Variants in PHLDB2 observed in about 807,000 individuals in gnomAD.
PHLDB2 encodes the protein pleckstrin homology like domain family B member 2, also known as pleckstrin homology-like domain family B member 2.
Under a neutral mutation model 123.6 loss-of-function variants are expected in PHLDB2, and 71 were observed. The observed-to-expected ratio is 0.57, with a 90% CI of 0.47 to 0.70. The LOEUF (loss-of-function observed/expected upper bound fraction) is 0.70. Ranked by LOEUF, PHLDB2 falls within the 30% of genes least tolerant of loss-of-function variation. PHLDB2 has a pLI of 0.00. For synonymous variants in PHLDB2, 547 were observed against 541.6 expected, an observed-to-expected ratio of 1.01 and a Z score of -0.14; for missense variants, 1,446 against 1,519.5, an observed-to-expected ratio of 0.95 and a Z score of 0.80.
chr3:111,913,061 C>T (rs1163098124), intron 2 of PHLDB2, among the ~76,000 whole-genome samples: 2 of 152,180 alleles, frequency 1.3e-5, no homozygotes, highest in Non-Finnish European at 2.9e-5. Flanking sequence ...CTAGGGCCAG[C>T]CCTGTGATAT....
chr3:111,976,368 C>T lies in PHLDB2; in HGVS notation c.*1805C>T, dbSNP rs2072477524. 6.6e-6 allele frequency: 1 copy of T among 152,158 alleles called. No individual in the cohort carries two copies. Among genetic ancestry groups the T allele is most frequent in the Admixed American group, 6.5e-5 (1 of 15,276 alleles). 9.4% of individuals were successfully genotyped at this position (152,158 alleles called of 1,614,324 possible). On this transcript the variant is annotated 3_prime_UTR_variant, in exon 18 of 18. Transcript: ENST00000431670. The stretch of plus-strand genomic sequence containing the variant: ...CTATGTAAAGTTTGTTGTGTGCTAA[C>T]ATTATGATTTGTAGTGTATAAACTG...
At position 111,945,283 on chromosome 3, in the gene PHLDB2, T is replaced by C. The variant is rs1397226984; in HGVS notation, c.2413T>C (p.Cys805Arg). 1.2e-6 allele frequency: 2 copies of C among 1,609,818 alleles called. No homozygotes were observed. The highest frequency in any genetic ancestry group is 1.1e-5 in the South Asian group (1 of 90,694). The change falls in exon 9 of 18, where the codon TGT becomes CGT. Residue 805 changes from cysteine to arginine, a missense_variant. Around this residue, in one of 3 missense-constraint regions of PHLDB2, gnomAD observed 594 missense variants for 646.0 expected, o/e 0.92. Transcript: ENST00000431670. The stretch of plus-strand genomic sequence containing the variant: ...ATTCCTTCAGGAAAAGGAGAATCTT[T>C]GTAATTTGGAAAAGAAATACTCCAG... ...MMLQREKENLCNLEKKYSSLS... is the reference protein window; with the variant it reads ...MMLQREKENLRNLEKKYSSLS...
chr3:111,747,852 G>A (rs1240728209), intron 1 of PHLDB2, among the ~76,000 whole-genome samples: 2 of 152,068 alleles, frequency 1.3e-5, no homozygotes, highest in Non-Finnish European at 2.9e-5. Flanking sequence ...ATGTTATTTG[G>A]AGTGAGAAAG....
chr3:111,789,449 A>C (rs537499538), intron 1 of PHLDB2, among the ~76,000 whole-genome samples: 1 of 152,352 alleles, frequency 6.6e-6, no homozygotes, highest in East Asian at 1.9e-4. Flanking sequence ...TGGTTTTGCT[A>C]TAAGTACATT....
intron 1 of PHLDB2, among the ~76,000 whole-genome samples, chr3:111,772,540 T>C (rs1469803340): frequency 6.6e-6 from 1 of 152,190 alleles, no homozygotes; most frequent in Non-Finnish European, 1.5e-5. Flanking sequence ...CTCTGGTCCC[T>C]GAACTCAGAA....
chr3:111,751,946 C>T (rs896613066), intron 1 of PHLDB2, among the ~76,000 whole-genome samples: 11 of 152,056 alleles, frequency 7.2e-5, no homozygotes, highest in African/African-American at 1.9e-4. Context: ...TATTCAGATG[C>T]TTATTAGATT....
chr3:111,800,233 G>A (rs1351188862), intron 1 of PHLDB2, among the ~76,000 whole-genome samples: 2 of 152,082 alleles, frequency 1.3e-5, no homozygotes, highest in African/African-American at 2.4e-5. Context: ...TGTTAAATTC[G>A]TGGGCTCAAG....
At chr3:111,777,145 G>T (rs2060281010) in intron 1 of PHLDB2, among the ~76,000 whole-genome samples, 1 of 141,068 alleles carries the variant, frequency 7.1e-6, no homozygotes, top group Non-Finnish European at 1.5e-5. Context: ...CAAAGAAAGT[G>T]ATTCTTACTA....
chr3:111,773,872 G>A (rs1231173281), intron 1 of PHLDB2, among the ~76,000 whole-genome samples: 5 of 152,092 alleles, frequency 3.3e-5, no homozygotes, highest in African/African-American at 9.7e-5. Context: ...ATACTACCAT[G>A]TCACTTCTTG....
At chr3:111,960,792 G>A (rs1428403284) in intron 12 of PHLDB2, among the ~76,000 whole-genome samples, 2 of 152,190 alleles carry the variant, frequency 1.3e-5, no homozygotes, top group East Asian at 1.9e-4. Context: ...AACTATTCGA[G>A]TAGACATTCT....
chr3:111,969,610 A>G, intron 15 of PHLDB2, 80 bp from the exon 16 acceptor site: 1 of 1,146,692 alleles, frequency 8.7e-7, no homozygotes. Context: ...TTTTACAGTT[A>G]ATTTCTGCTT....
At chr3:111,734,234 T>C (rs1010004586) in intron 1 of PHLDB2, among the ~76,000 whole-genome samples, 3 of 152,160 alleles carry the variant, frequency 2.0e-5, no homozygotes, top group Non-Finnish European at 4.4e-5. Flanking sequence ...TCATAGATAA[T>C]GCAAGTGATG....
intron 1 of PHLDB2, among the ~76,000 whole-genome samples, chr3:111,878,841 T>G (rs1207976422): frequency 6.6e-6 from 1 of 152,252 alleles, no homozygotes; most frequent in Non-Finnish European, 1.5e-5. Flanking sequence ...TCTGATTATG[T>G]GATGGATTAC....
At chr3:111,842,686 C>G (rs893975330) in intron 1 of PHLDB2, among the ~76,000 whole-genome samples, 1 of 152,058 alleles carries the variant, frequency 6.6e-6, no homozygotes, top group African/African-American at 2.4e-5. Context: ...AAGAGTCATC[C>G]AGAAGCTAAC....
intron 16 of PHLDB2, among the ~76,000 whole-genome samples, 191 bp from the exon 17 acceptor site, chr3:111,973,541 T>C (rs894269865): frequency 2.6e-5 from 4 of 152,174 alleles, no homozygotes; most frequent in African/African-American, 9.7e-5. Flanking sequence ...GCTAGTAATT[T>C]TATGGCTTTT....
chr3:111,941,663 C>T (rs2107603521), intron 8 of PHLDB2, among the ~76,000 whole-genome samples: 1 of 152,164 alleles, frequency 6.6e-6, no homozygotes, highest in Admixed American at 6.5e-5. Context: ...AAAAAATTAG[C>T]TGGGCATGGT....
Position 111,913,349 on chromosome 3 carries a change from C to A in PHLDB2, c.1366C>A (p.Leu456Ile). 6.2e-7 allele frequency: 1 copy of A among 1,609,658 alleles called. No individual in the cohort carries two copies. The highest frequency in any genetic ancestry group is 8.5e-7 in the Non-Finnish European group (1 of 1,177,952). The change falls in exon 3 of 18, where the codon CTC (leucine) becomes ATC (isoleucine). Residue 456 changes from leucine (L) to isoleucine (I), a missense_variant. Transcript: ENST00000431670. ...ACAGCGTCTGGAGACCATCCTCAGT[C>A]TCTGTGCTGAATACACAAAGCCTGA... ...ERQRLETILS[L>I]CAEYTKPDSR...
chr3:111,734,781 C>T (rs929501255), intron 1 of PHLDB2, among the ~76,000 whole-genome samples: 3 of 152,104 alleles, frequency 2.0e-5, no homozygotes, highest in Non-Finnish European at 2.9e-5. Context: ...CCCATAAGGT[C>T]ATGGAGTTGA....
chr3:111,807,150 A>G (rs1005217498), intron 1 of PHLDB2, among the ~76,000 whole-genome samples: 1 of 151,928 alleles, frequency 6.6e-6, no homozygotes, highest in African/African-American at 2.4e-5. Flanking sequence ...TAGCCATCCA[A>G]CTCAACTTAT....
Sources: gnomAD v4.1 joint callset for allele counts (sites outside exome capture counted in the v4.1 genomes callset) on GRCh38, gnomAD v4.1.1 for gene constraint, gnomAD v4.1.1 regional missense constraint, MANE v1.5 for transcripts, NCBI Gene and HGNC (gene_info 2026-07-23, HGNC 2026-07-21) for gene names.